Variants in XKR6 observed in about 807,000 individuals in gnomAD.
XKR6 encodes XK-related protein 6.
In XKR6, 22 loss-of-function variants were observed where a neutral mutation model predicts 56.7. That is an observed-to-expected ratio of 0.39 (90% CI 0.28 to 0.55). XKR6 has a LOEUF of 0.55. Ranked by LOEUF, XKR6 falls within the 20% of genes least tolerant of loss-of-function variation. The pLI, the probability that XKR6 is intolerant of heterozygous loss-of-function variation, is 0.66. For missense variants in XKR6, 852 were observed against 889.0 expected (o/e 0.96, Z 0.53); for synonymous variants, 524 against 387.8 (o/e 1.35, Z -4.13).
chr8:11,013,172 A>G (rs909364104), intron 1 of XKR6, among the ~76,000 whole-genome samples: 1 of 152,204 alleles, frequency 6.6e-6, no homozygotes, highest in Non-Finnish European at 1.5e-5. Context: ...TAGTGACCCT[A>G]AGAGCAGATA....
chr8:11,187,292 C>G (rs1194459176), intron 1 of XKR6, among the ~76,000 whole-genome samples: 1 of 152,160 alleles, frequency 6.6e-6, no homozygotes, highest in Non-Finnish European at 1.5e-5. Flanking sequence ...CAAGGGCCAA[C>G]AAAGCATAAG....
intron 2 of XKR6, among the ~76,000 whole-genome samples, chr8:10,918,402 C>G (rs1800621803): frequency 6.6e-6 from 1 of 152,184 alleles, no homozygotes; most frequent in Admixed American, 6.5e-5. Context: ...CTGACCATGT[C>G]AGTGTGATGG....
intron 1 of XKR6, among the ~76,000 whole-genome samples, chr8:11,117,494 G>A (rs1028992241): frequency 6.6e-6 from 1 of 152,274 alleles, no homozygotes; most frequent in Non-Finnish European, 1.5e-5. Flanking sequence ...ACAGCGGCTG[G>A]CCATTTGGGA....
intron 1 of XKR6, among the ~76,000 whole-genome samples, chr8:11,078,158 C>A (rs1256841634): frequency 6.6e-6 from 1 of 152,122 alleles, no homozygotes; most frequent in African/African-American, 2.4e-5. Context: ...GGAAGACAGA[C>A]CTATTTTTAA....
intron 1 of XKR6, among the ~76,000 whole-genome samples, chr8:11,077,179 AG>A (rs905646108): frequency 5.3e-4 from 81 of 152,240 alleles, no homozygotes; most frequent in African/African-American, 1.9e-3. Flanking sequence ...TCTGTCTCTA[AG>A]AAAAACCACA....
intron 1 of XKR6, among the ~76,000 whole-genome samples, chr8:11,043,506 C>T (rs560953472): frequency 9.4e-4 from 143 of 152,324 alleles, no homozygotes; most frequent in African/African-American, 2.9e-3. Context: ...GTTTGTTTTA[C>T]GTCCCCTGAG....
chr8:11,069,435 G>C (rs1468195754), intron 1 of XKR6, among the ~76,000 whole-genome samples: 1 of 151,826 alleles, frequency 6.6e-6, no homozygotes, highest in African/African-American at 2.4e-5. Context: ...AGCCTGGCCA[G>C]AGCCTGTGTT....
At chr8:10,979,651 G>A (rs1028526355) in intron 1 of XKR6, among the ~76,000 whole-genome samples, 70 of 152,290 alleles carry the variant, frequency 4.6e-4, no homozygotes, top group African/African-American at 1.5e-3. Context: ...GGGGACACAC[G>A]AAATCATATG....
In XKR6 at chr8:10,898,201, G is replaced by A. The variant is rs1035755296; in HGVS notation, c.1677C>T (p.Cys559=). 1.9e-6 allele frequency: 3 copies of A among 1,614,038 alleles called. No homozygotes were observed. Among genetic ancestry groups the A allele is most frequent in the Admixed American group, 1.7e-5 (1 of 60,008 alleles). The part of the protein sequence containing the change: ...EQQEDLTADT[C]LPVFQVRPMG... ...TGGGTCTCACTTGGAAAACAGGCAA[G>A]CAAGTGTCAGCCGTGAGATCCTCCT... Residue 559 remains cysteine (C), a synonymous_variant, in exon 3 of 3, where the codon TGC becomes TGT. Transcript: ENST00000416569. The surrounding 1 kb of genome is among the most constrained non-coding windows in gnomAD (Gnocchi z 6.6).
intron 1 of XKR6, among the ~76,000 whole-genome samples, chr8:11,122,887 A>G (rs1286852445): frequency 6.6e-6 from 1 of 152,224 alleles, no homozygotes. Flanking sequence ...CAATTCATGT[A>G]GCAATGGAAT....
chr8:11,086,312 G>A (rs192703116), intron 1 of XKR6, among the ~76,000 whole-genome samples: 57 of 152,194 alleles, frequency 3.7e-4, no homozygotes, highest in African/African-American at 1.4e-3. Context: ...CTGACCTGCA[G>A]GACATTCTGG....
chr8:11,055,264 G>A (rs1799652886), intron 1 of XKR6, among the ~76,000 whole-genome samples: 1 of 152,102 alleles, frequency 6.6e-6, no homozygotes, highest in Admixed American at 6.5e-5. Context: ...ATCACTAAGA[G>A]GAAACATGGA....
intron 1 of XKR6, among the ~76,000 whole-genome samples, chr8:11,163,954 C>T (rs1586637549): frequency 6.6e-6 from 1 of 152,150 alleles, no homozygotes; most frequent in East Asian, 1.9e-4. Context: ...CAAAGACAAC[C>T]ATCCCTCAAA....
chr8:11,053,012 C>T (rs572070703), intron 1 of XKR6, among the ~76,000 whole-genome samples: 10 of 152,276 alleles, frequency 6.6e-5, no homozygotes, highest in South Asian at 4.1e-4. Flanking sequence ...GAGCACTGCG[C>T]GGGGTCCAGC....
chr8:11,050,613 C>G (rs570137853), intron 1 of XKR6, among the ~76,000 whole-genome samples: 1 of 150,588 alleles, frequency 6.6e-6, no homozygotes, highest in East Asian at 1.9e-4. Context: ...ACTTGATATC[C>G]CAGAAAAGCT....
chr8:10,911,199 C>CGTGTGTGTGTGT (rs745616432), intron 2 of XKR6, among the ~76,000 whole-genome samples: 2 of 126,286 alleles, frequency 1.6e-5, no homozygotes, highest in African/African-American at 6.0e-5. Flanking sequence ...AGAGGGTGTG[C>CGTGTGTGTGTGT]GTGTGTGTGT....
At chr8:10,947,161 C>T (rs190353907) in intron 1 of XKR6, among the ~76,000 whole-genome samples, 22 of 152,096 alleles carry the variant, frequency 1.4e-4, no homozygotes, top group African/African-American at 5.3e-4. Flanking sequence ...GAGCTTGCTC[C>T]ATGGTGGTAA....
chr8:11,056,856 G>A (rs939059386), intron 1 of XKR6, among the ~76,000 whole-genome samples: 5 of 152,174 alleles, frequency 3.3e-5, no homozygotes, highest in African/African-American at 7.2e-5. Flanking sequence ...TCAGCTGGGA[G>A]GATGCAGCTC....
At chr8:11,146,662 A>C (rs1163346955) in intron 1 of XKR6, among the ~76,000 whole-genome samples, 1 of 151,996 alleles carries the variant, frequency 6.6e-6, no homozygotes, top group Non-Finnish European at 1.5e-5. Context: ...GGGCTTCATC[A>C]AAATGAAAAA....
Sources: gnomAD v4.1 joint callset for allele counts (sites outside exome capture counted in the v4.1 genomes callset) on GRCh38, gnomAD v4.1.1 for gene constraint, Gnocchi (gnomAD v3.1) non-coding constraint, MANE v1.5 for transcripts, NCBI Gene and HGNC (gene_info 2026-07-23, HGNC 2026-07-21) for gene names.